BANK1: variants seen among roughly 807,000 people sequenced by gnomAD.
The protein encoded by BANK1 is B cell scaffold protein with ankyrin repeats 1.
BANK1 carries 95 observed loss-of-function variants against 94.5 expected under a neutral mutation model. That is an observed-to-expected ratio of 1.00 (90% CI 0.85 to 1.19). The LOEUF is 1.19. BANK1 is among the 50% of genes most tolerant of loss of function. The pLI is 0.00. For missense variants in BANK1, 987 were observed against 932.2 expected (o/e 1.06, Z -0.77); for synonymous variants, 334 against 308.4 (o/e 1.08, Z -0.87).
chr4:101,938,897 G>A (rs1424544124), intron 7 of BANK1, among the ~76,000 whole-genome samples: 1 of 151,496 alleles, frequency 6.6e-6, no homozygotes, highest in Non-Finnish European at 1.5e-5. Context: ...CCCTATCTCA[G>A]GCAATAATAA....
intron 2 of BANK1, among the ~76,000 whole-genome samples, chr4:101,840,476 G>A (rs1478392025): frequency 1.3e-5 from 2 of 152,086 alleles, no homozygotes; most frequent in Non-Finnish European, 2.9e-5. Context: ...TGACACACAT[G>A]CTGAAGGTTG....
chr4:101,798,369 C>A (rs1171795920), intron 1 of BANK1, among the ~76,000 whole-genome samples: 3 of 152,152 alleles, frequency 2.0e-5, no homozygotes, highest in Non-Finnish European at 4.4e-5. Flanking sequence ...TTCTCAAAAG[C>A]CGATGGCGTC....
intron 7 of BANK1, among the ~76,000 whole-genome samples, chr4:101,947,152 T>C (rs1244999932): frequency 2.0e-5 from 3 of 151,536 alleles, no homozygotes; most frequent in Non-Finnish European, 4.4e-5. Flanking sequence ...AAATTTATGA[T>C]CTCAGTAAAT....
intron 13 of BANK1, among the ~76,000 whole-genome samples, chr4:102,065,652 T>A (rs1728566641): frequency 6.6e-6 from 1 of 151,742 alleles, no homozygotes; most frequent in African/African-American, 2.4e-5. Flanking sequence ...CCTTAAACAC[T>A]GAATTAGTGA....
At chr4:101,950,540 T>C (rs546408127) in intron 7 of BANK1, among the ~76,000 whole-genome samples, 1 of 152,182 alleles carries the variant, frequency 6.6e-6, no homozygotes, top group East Asian at 1.9e-4. Flanking sequence ...GCATGAATTT[T>C]CAAATGCTCT....
chr4:102,038,621 C>T (rs1051676228), intron 10 of BANK1, among the ~76,000 whole-genome samples: 15 of 152,060 alleles, frequency 9.9e-5, no homozygotes, highest in Admixed American at 3.9e-4. Context: ...TACTAATAAA[C>T]GCATTGCCAT....
chr4:101,927,402 G>A (rs898170093), intron 7 of BANK1, among the ~76,000 whole-genome samples: 3 of 151,510 alleles, frequency 2.0e-5, no homozygotes, highest in African/African-American at 7.3e-5. Context: ...GATTTGGGTG[G>A]GGACAAAGAG....
chr4:101,809,518 A>G (rs1725671649), intron 1 of BANK1, among the ~76,000 whole-genome samples: 1 of 152,146 alleles, frequency 6.6e-6, no homozygotes, highest in Admixed American at 6.5e-5. Flanking sequence ...AATAGTGGAT[A>G]CTGTTACAAA....
chr4:102,045,728 C>A (rs1665370140), intron 11 of BANK1, among the ~76,000 whole-genome samples: 2 of 151,062 alleles, frequency 1.3e-5, no homozygotes, highest in South Asian at 4.2e-4. Context: ...AGGAATCCAA[C>A]TTACAAGGGA....
At chr4:102,040,389 T>C (rs1244128920) in intron 10 of BANK1, among the ~76,000 whole-genome samples, 1 of 152,046 alleles carries the variant, frequency 6.6e-6, no homozygotes, top group Admixed American at 6.6e-5. Flanking sequence ...GCAAAAATTG[T>C]TTTGTTTTGT....
At chr4:101,871,240 A>C (rs996412736) in intron 5 of BANK1, among the ~76,000 whole-genome samples, 1 of 152,212 alleles carries the variant, frequency 6.6e-6, no homozygotes, top group East Asian at 1.9e-4. Context: ...GTGAAATGCC[A>C]TTTCTATTTA....
intron 5 of BANK1, among the ~76,000 whole-genome samples, chr4:101,883,276 AAAT>A (rs1216510108): frequency 6.6e-6 from 1 of 152,242 alleles, no homozygotes; most frequent in East Asian, 1.9e-4. Flanking sequence ...ATTTATTAAA[AAAT>A]AATAAATTGG....
At chr4:101,870,340 T>C (rs932393684) in intron 4 of BANK1, among the ~76,000 whole-genome samples, 165 bp from the exon 5 acceptor site, 41 of 152,168 alleles carry the variant, frequency 2.7e-4, no homozygotes, top group African/African-American at 9.4e-4. Flanking sequence ...GTACATTTCA[T>C]TTTGTGTTTT....
rs116318907 is a variant in BANK1 at position 102,013,341 on chromosome 4, T to C, written c.1207-8173T>C. 2.1e-3 allele frequency among the ~76,000 whole-genome samples: 323 copies of C among 152,244 alleles called. 1 individual carries two copies. The highest frequency in any genetic ancestry group is 3.7e-3 in the Non-Finnish European group (254 of 67,972). On this transcript the variant is annotated intron_variant, in intron 7 of 16. Transcript: ENST00000322953. ...CTGAGTCAGCACTGGTCCTCTCTTA[T>C]ATCATTTTATGCTGGGAGAAGGCCA... is the stretch of plus-strand genomic sequence containing the variant.
At chr4:101,872,973 A>G (rs765633959) in intron 5 of BANK1, among the ~76,000 whole-genome samples, 7 of 151,702 alleles carry the variant, frequency 4.6e-5, no homozygotes, top group Non-Finnish European at 1.0e-4. Flanking sequence ...GGGTGACAGA[A>G]TAAGTCTCTG....
rs1726552291 is a variant in BANK1, at chr4:101,830,101, GATCAGCTCT to G, written c.367_375del (p.Gln123_Tyr125del). 1.2e-6 allele frequency: 2 copies of G among 1,613,550 alleles called. No individual in the cohort carries two copies. The highest frequency in any genetic ancestry group is 2.7e-5 in the African/African-American group (2 of 74,896). On this transcript the variant is annotated inframe_deletion, in exon 2 of 17. Transcript: ENST00000322953. ...TTTGCTTTGTGGAGTGAAGAGTTCA[GATCAGCTCT>G]ATGAATTACTAAATATCTCTCAAAG...
chr4:101,929,551 ATATT>A (rs1365988520), intron 7 of BANK1, among the ~76,000 whole-genome samples: 1 of 151,616 alleles, frequency 6.6e-6, no homozygotes, highest in Non-Finnish European at 1.5e-5. Context: ...GTAGGAAACA[ATATT>A]TATCAAATTT....
At chr4:101,824,375 A>G (rs1055655608) in intron 1 of BANK1, among the ~76,000 whole-genome samples, 3 of 152,248 alleles carry the variant, frequency 2.0e-5, no homozygotes, top group African/African-American at 7.2e-5. Flanking sequence ...CTACACAGAT[A>G]TATACAGATT....
chr4:102,057,277 G>GCT lies in BANK1; in HGVS notation c.1970-2923_1970-2922dup, dbSNP rs1179416462. ...CTTTCTCTTTCTCTCTCTCTCTCCTGCTCTCTCTCTCTTTCTCTCTTTCTC... is the reference window on the plus strand; with the variant it reads ...CTTTCTCTTTCTCTCTCTCTCTCCTGCTCTCTCTCTCTCTTTCTCTCTTTCTC... On this transcript the variant is annotated intron_variant, in intron 11 of 16. Coordinates refer to ENST00000322953, the MANE Select transcript of BANK1 (RefSeq NM_017935.5). 8.5e-5 allele frequency among the ~76,000 whole-genome samples: 11 copies of GCT among 129,038 alleles called. No individual in the cohort carries two copies. The East Asian group carries it at 1.4e-3, about 16-fold the overall frequency. The allele number at this position is 129,038 out of a possible 152,430, so 84.7% of individuals were successfully genotyped here. A position where few individuals can be genotyped will look rare whatever the true frequency, so the allele number is the denominator to read the frequency against.
Sources: gnomAD v4.1 joint callset for allele counts (sites outside exome capture counted in the v4.1 genomes callset) on GRCh38, gnomAD v4.1.1 for gene constraint, MANE v1.5 for transcripts, NCBI Gene and HGNC (gene_info 2026-07-23, HGNC 2026-07-21) for gene names.